The following ST3GAL1 variants were observed in gnomAD, a reference collection of about 807,000 sequenced individuals.
ST3GAL1 encodes CMP-N-acetylneuraminate-beta-galactosamide-alpha-2,3-sialyltransferase 1.
A neutral mutation model predicts 34.1 loss-of-function variants in ST3GAL1; 16 were observed. The ratio of observed to expected loss-of-function variants is 0.47; its 90% CI spans 0.32 to 0.71. The LOEUF (loss-of-function observed/expected upper bound fraction) is 0.71. ST3GAL1 is among the 30% of genes least tolerant of loss of function. The pLI is 0.04. For synonymous variants in ST3GAL1, 191 were observed against 184.7 expected, an observed-to-expected ratio of 1.03 and a Z score of -0.28; for missense variants, 353 against 447.4, an observed-to-expected ratio of 0.79 and a Z score of 1.90.
In ST3GAL1 at chr8:133,461,853, G is replaced by C; in HGVS notation, c.849+22C>G. The C allele has an allele frequency of 1.2e-6, 2 of 1,613,652 alleles. No individual in the cohort carries two copies. Among genetic ancestry groups the C allele is most frequent in the Non-Finnish European group, 1.7e-6 (2 of 1,179,740 alleles). On this transcript the variant is annotated intron_variant, in intron 9 of 9. Coordinates refer to ENST00000522652, the MANE Select transcript of ST3GAL1 (RefSeq NM_173344.3). The surrounding 1 kb of genome is among the most constrained non-coding windows in gnomAD (Gnocchi z 4.7). ...ACGGTGAGCTTCGAGGCAGCCCTGTGGGCAGGGGGAGGGTGGCATACCTCA... is the reference window on the plus strand; with the variant it reads ...ACGGTGAGCTTCGAGGCAGCCCTGTCGGCAGGGGGAGGGTGGCATACCTCA...
intron 3 of ST3GAL1, among the ~76,000 whole-genome samples, chr8:133,491,068 G>A (rs1024792364): frequency 2.6e-5 from 4 of 151,988 alleles, no homozygotes; most frequent in African/African-American, 7.3e-5. Context: ...TGGGGAAGTC[G>A]GGGAAAAAAA....
At chr8:133,518,985 G>C (rs971251209) in intron 2 of ST3GAL1, among the ~76,000 whole-genome samples, 1 of 152,144 alleles carries the variant, frequency 6.6e-6, no homozygotes, top group Non-Finnish European at 1.5e-5. Context: ...GGAGGGAAGA[G>C]AGGAGGCCTG....
chr8:133,478,157 C>T (rs55888378), intron 3 of ST3GAL1, among the ~76,000 whole-genome samples: 23,665 of 152,162 alleles, frequency 0.16, 2,502 homozygotes, highest in East Asian at 0.58. Flanking sequence ...GTATCCCATC[C>T]AATTCTCTCC....
intron 2 of ST3GAL1, among the ~76,000 whole-genome samples, chr8:133,543,648 G>T (rs1818596459): frequency 6.6e-6 from 1 of 151,908 alleles, no homozygotes. Flanking sequence ...ATGAGATTGA[G>T]AAAAAAATCA....
intron 2 of ST3GAL1, among the ~76,000 whole-genome samples, chr8:133,532,455 G>A (rs1818183299): frequency 6.6e-6 from 1 of 151,298 alleles, no homozygotes; most frequent in Non-Finnish European, 1.5e-5. Context: ...GCGAGACTCT[G>A]TCTCAAAAAA....
At chr8:133,473,334 T>C (rs570095109) in intron 5 of ST3GAL1, among the ~76,000 whole-genome samples, 60 of 152,326 alleles carry the variant, frequency 3.9e-4, no homozygotes, top group Non-Finnish European at 6.9e-4. Context: ...CACCTAACTT[T>C]TCTGAGTTTC....
intron 1 of ST3GAL1, among the ~76,000 whole-genome samples, chr8:133,567,662 G>C (rs1482975194): frequency 6.6e-6 from 1 of 152,166 alleles, no homozygotes; most frequent in Non-Finnish European, 1.5e-5. Context: ...TCAAAATCTA[G>C]CGTTGAGAAC....
At chr8:133,492,166 G>GCC (rs1816805743) in intron 3 of ST3GAL1, among the ~76,000 whole-genome samples, 2 of 152,098 alleles carry the variant, frequency 1.3e-5, no homozygotes, top group African/African-American at 4.8e-5. Context: ...GAGAACAGAG[G>GCC]CCAGTTCTGA....
chr8:133,532,270 G>A (rs142382019), intron 2 of ST3GAL1, among the ~76,000 whole-genome samples: 1,584 of 152,130 alleles, frequency 0.01, 18 homozygotes, highest in Middle Eastern at 0.037. Context: ...TCAGGAGTTC[G>A]AGACCAGCCT....
In ST3GAL1 at chr8:133,468,987, G is replaced by A. The variant is rs55634805; in HGVS notation, c.307-2897C>T. The stretch of plus-strand genomic sequence containing the variant: ...GGCCCAGGGGGTGGCCTTCCATCAC[G>A]CCGCTACTTTGATTTGGGAGCCTGG... On this transcript the variant is annotated intron_variant, in intron 5 of 9. Transcript: ENST00000522652. Among the ~76,000 whole-genome samples, 1,323 of 152,212 alleles carry A rather than the reference G, an allele frequency of 8.7e-3. 11 individuals carry two copies. Among genetic ancestry groups the A allele is most frequent in the Non-Finnish European group, 0.015 (1,039 of 68,002 alleles).
rs1005269592 is a variant in ST3GAL1 at position 133,455,783 on chromosome 8, A to T, written c.*3981T>A. 3.3e-5 allele frequency: 5 copies of T among 150,304 alleles called. No homozygotes were observed. The highest frequency in any genetic ancestry group is 1.2e-4 in the African/African-American group (5 of 40,758). 9.3% of individuals were successfully genotyped at this position (150,304 alleles called of 1,614,324 possible). On this transcript the variant is annotated 3_prime_UTR_variant, in exon 10 of 10. Transcript: ENST00000522652. ...AGGTATTTTTGATCCTTGCCAGCGG[A>T]GGGAGAGAGAGTTATCTTGGTTTCC...
intron 2 of ST3GAL1, among the ~76,000 whole-genome samples, chr8:133,537,839 G>A (rs950273603): frequency 6.6e-6 from 1 of 152,318 alleles, no homozygotes; most frequent in East Asian, 1.9e-4. Context: ...TGAGCACCCA[G>A]GGAGGGCACT....
chr8:133,477,464 T>C, intron 3 of ST3GAL1, among the ~76,000 whole-genome samples: 1 of 150,522 alleles, frequency 6.6e-6, no homozygotes, highest in Middle Eastern at 3.2e-3. Context: ...ATGACTTGCC[T>C]AAGGAAAGGA....
intron 1 of ST3GAL1, among the ~76,000 whole-genome samples, chr8:133,558,419 G>A (rs577600541): frequency 1.3e-5 from 2 of 152,308 alleles, no homozygotes; most frequent in African/African-American, 4.8e-5. Flanking sequence ...ACGCAGTTAG[G>A]CAGTGGCAGA....
chr8:133,476,104 C>T lies in ST3GAL1; in HGVS notation c.-50-30G>A, dbSNP rs1474627537. 3 of 1,460,294 alleles carry T rather than the reference C, an allele frequency of 2.1e-6. No individual in the cohort carries two copies. In the African/African-American group the frequency reaches 4.3e-5, roughly 21 times the overall value. 90.5% of individuals were successfully genotyped at this position (1,460,294 alleles called of 1,614,324 possible). A position where few individuals can be genotyped will look rare whatever the true frequency, so the allele number is the denominator to read the frequency against. On this transcript the variant is annotated intron_variant, in intron 4 of 9. Coordinates refer to ENST00000522652, the MANE Select transcript of ST3GAL1 (RefSeq NM_173344.3). ...GAGAGGAGAAAAATGGAAGAAAAAT[C>T]CCAGAGGTGGAGGCTCAATCAAAAG...
At chr8:133,483,946 T>G (rs2130961065) in intron 3 of ST3GAL1, among the ~76,000 whole-genome samples, 1 of 152,312 alleles carries the variant, frequency 6.6e-6, no homozygotes, top group South Asian at 2.1e-4. Context: ...TCCCACACAC[T>G]TGGAAACGCA....
chr8:133,563,898 G>A (rs1819315327), intron 1 of ST3GAL1, among the ~76,000 whole-genome samples: 1 of 151,950 alleles, frequency 6.6e-6, no homozygotes, highest in African/African-American at 2.4e-5. Context: ...ACCGTGTAAG[G>A]CTGTCATCAA....
chr8:133,514,774 A>G (rs1276421308), intron 2 of ST3GAL1, among the ~76,000 whole-genome samples: 1 of 152,032 alleles, frequency 6.6e-6, no homozygotes, highest in Non-Finnish European at 1.5e-5. Context: ...CAGACATCAC[A>G]TGGGTCTGCC....
At chr8:133,519,776 T>C (rs1290081742) in intron 2 of ST3GAL1, among the ~76,000 whole-genome samples, 5 of 82,296 alleles carry the variant, frequency 6.1e-5, no homozygotes, top group African/African-American at 2.1e-4. Context: ...TGAAACCCCA[T>C]GTCTACTAAA....
Sources: allele counts gnomAD v4.1 joint callset (sites outside exome capture counted in the v4.1 genomes callset), GRCh38; gene constraint gnomAD v4.1.1; non-coding constraint Gnocchi (gnomAD v3.1); transcripts MANE v1.5; gene names NCBI Gene and HGNC (gene_info 2026-07-23, HGNC 2026-07-21).